Variants in NHS observed in about 807,000 individuals in gnomAD.
The protein encoded by NHS is actin remodeling regulator NHS.
NHS carries 5 observed loss-of-function variants against 72.5 expected under a neutral mutation model. The ratio of observed to expected loss-of-function variants is 0.07; its 90% CI spans 0.04 to 0.14. The LOEUF (loss-of-function observed/expected upper bound fraction) is 0.14, where lower values mean the gene tolerates loss of function less well. Among genes scored for constraint, NHS ranks in the 10% least tolerant of loss-of-function variants. The probability of loss-of-function intolerance (pLI) is 1.00; values close to 1 mark genes in which losing one functional copy is unlikely to be tolerated. For synonymous variants in NHS, 464 were observed against 547.7 expected (o/e 0.85, Z 2.13); for missense variants, 1,072 against 1,355.7 (o/e 0.79, Z 3.29).
chrX:17,527,690 A>C (rs1261381093), intron 1 of NHS, among the ~76,000 whole-genome samples: 1 of 112,264 alleles, frequency 8.9e-6, no homozygotes, highest in Non-Finnish European at 1.9e-5. Context: ...CTACGTGTTG[A>C]CAGGAAGTTT....
chrX:17,616,458 T>C (rs2065747810), intron 1 of NHS, among the ~76,000 whole-genome samples: 1 of 112,832 alleles, frequency 8.9e-6, no homozygotes, highest in African/African-American at 3.2e-5. Context: ...TATCTAATAA[T>C]GAAATTACAA....
At chrX:17,395,738 A>G (rs1365438013) in intron 1 of NHS, among the ~76,000 whole-genome samples, 1 of 112,582 alleles carries the variant, frequency 8.9e-6, no homozygotes, top group Non-Finnish European at 1.9e-5. Flanking sequence ...ATAAATTAGT[A>G]TACTTTTTCT....
chrX:17,534,439 C>G (rs994917236), intron 1 of NHS, among the ~76,000 whole-genome samples: 3 of 110,723 alleles, frequency 2.7e-5, no homozygotes, highest in African/African-American at 9.9e-5. Context: ...CTAGGTGGCT[C>G]TTGGTGGATT....
chrX:17,551,637 C>T (rs1221686037), intron 1 of NHS, among the ~76,000 whole-genome samples: 1 of 112,060 alleles, frequency 8.9e-6, no homozygotes, highest in East Asian at 2.8e-4. Context: ...GGGGGGGCCC[C>T]TTGATGAAGC....
intron 1 of NHS, among the ~76,000 whole-genome samples, chrX:17,554,619 AG>A (rs2065357360): frequency 8.9e-6 from 1 of 112,505 alleles, no homozygotes; most frequent in Non-Finnish European, 1.9e-5. Context: ...TTTAAACAAC[AG>A]CATGTTATGC....
intron 5 of NHS, among the ~76,000 whole-genome samples, chrX:17,723,561 A>C (rs1011659986): frequency 2.7e-5 from 3 of 112,027 alleles, no homozygotes; most frequent in Non-Finnish European, 5.6e-5. Flanking sequence ...GGATCCATTT[A>C]AGTGCAGAAC....
intron 1 of NHS, among the ~76,000 whole-genome samples, chrX:17,470,057 A>G (rs2146902158): frequency 9.0e-6 from 1 of 111,210 alleles, no homozygotes; most frequent in South Asian, 3.8e-4. Flanking sequence ...ACTGGGGTGG[A>G]TTGATGTACG....
rs1459621922 is a variant in NHS, at chrX:17,728,730, C to T, written c.4304C>T (p.Pro1435Leu). Residue 1435 changes from proline (P) to leucine (L), a missense_variant, in exon 8 of 9, where the codon CCA becomes CTA. By Grantham distance (98) the Pro-to-Leu change is moderately conservative. Transcript: ENST00000676302. Reference sequence around the variant, plus strand: ...GAAGCAGAGGGTGTGTTCGTGTCTCCAAACAAACCTCGAACAACTGAGGAT... The same window carrying T: ...GAAGCAGAGGGTGTGTTCGTGTCTCTAAACAAACCTCGAACAACTGAGGAT... ...QAEAEGVFVS[P>L]NKPRTTEDLF... 2.1e-5 allele frequency: 26 copies of T among 1,211,305 alleles called. No individual in the cohort carries two copies. Among genetic ancestry groups the T allele is most frequent in the Non-Finnish European group, 2.9e-5 (26 of 895,307 alleles).
chrX:17,632,345 A>G (rs1429978038), intron 1 of NHS, among the ~76,000 whole-genome samples: 1 of 109,337 alleles, frequency 9.1e-6, no homozygotes, highest in Admixed American at 9.7e-5. Flanking sequence ...CTGCTATTTC[A>G]TCCTGTCCAT....
At chrX:17,440,632 C>A (rs745545407) in intron 1 of NHS, among the ~76,000 whole-genome samples, 1 of 111,590 alleles carries the variant, frequency 9.0e-6, no homozygotes, top group Admixed American at 9.5e-5. Context: ...GTTTTCATGA[C>A]CTTGTAAATT....
intron 1 of NHS, among the ~76,000 whole-genome samples, chrX:17,640,774 G>A (rs1282275000): frequency 7.1e-5 from 8 of 112,523 alleles, no homozygotes; most frequent in African/African-American, 2.6e-4. Context: ...AGTAAGAGCT[G>A]GATGATTAAT....
intron 1 of NHS, among the ~76,000 whole-genome samples, chrX:17,400,458 C>T (rs903381795): frequency 1.8e-5 from 2 of 110,196 alleles, no homozygotes; most frequent in African/African-American, 3.3e-5. Flanking sequence ...CAGTGGCAGA[C>T]GCCTGTAATC....
At chrX:17,701,463 C>A (rs2066262799) in intron 3 of NHS, among the ~76,000 whole-genome samples, 1 of 111,509 alleles carries the variant, frequency 9.0e-6, no homozygotes, top group Non-Finnish European at 1.9e-5. Flanking sequence ...CACACACACA[C>A]AAATAGGAAC....
intron 1 of NHS, among the ~76,000 whole-genome samples, chrX:17,679,271 TC>T (rs1195709407): frequency 2.7e-5 from 3 of 111,726 alleles, no homozygotes; most frequent in African/African-American, 9.8e-5. Context: ...AATCTAAATG[TC>T]TTCTATTGCA....
intron 4 of NHS, among the ~76,000 whole-genome samples, chrX:17,719,737 AAGG>A (rs1260314343): frequency 6.3e-5 from 7 of 111,434 alleles, no homozygotes; most frequent in Non-Finnish European, 1.3e-4. Flanking sequence ...TCAAATCAAA[AAGG>A]AGAACAAGAC....
chrX:17,639,460 G>A (rs1323128755), intron 1 of NHS, among the ~76,000 whole-genome samples: 2 of 111,217 alleles, frequency 1.8e-5, no homozygotes, highest in African/African-American at 6.5e-5. Flanking sequence ...GTTGGCTTCT[G>A]GTGAGGGCTT....
intron 1 of NHS, among the ~76,000 whole-genome samples, chrX:17,395,106 C>T (rs1490646200): frequency 9.1e-6 from 1 of 109,980 alleles, no homozygotes; most frequent in Non-Finnish European, 1.9e-5. Flanking sequence ...TACTCTTCCT[C>T]CCATCACCAC....
intron 3 of NHS, among the ~76,000 whole-genome samples, chrX:17,708,175 G>A (rs1319888371): frequency 2.7e-5 from 3 of 111,666 alleles, no homozygotes; most frequent in Admixed American, 9.5e-5. Flanking sequence ...CTTGCTATGC[G>A]AATCTCTGAC....
At chrX:17,377,783 C>A (rs2064354665) in intron 1 of NHS, among the ~76,000 whole-genome samples, 1 of 113,220 alleles carries the variant, frequency 8.8e-6, no homozygotes, top group Non-Finnish European at 1.9e-5. Context: ...ATAAAAGACC[C>A]GGAGTTGGGT....
Sources: gnomAD v4.1 joint callset for allele counts (sites outside exome capture counted in the v4.1 genomes callset) on GRCh38, gnomAD v4.1.1 for gene constraint, MANE v1.5 for transcripts, NCBI Gene and HGNC (gene_info 2026-07-23, HGNC 2026-07-21) for gene names.